The following DPYD variants were observed in gnomAD, a reference collection of about 807,000 sequenced individuals.
The protein encoded by DPYD is dihydropyrimidine dehydrogenase.
DPYD carries 109 observed loss-of-function variants against 116.2 expected under a neutral mutation model. The observed-to-expected ratio is 0.94, with a 90% CI of 0.80 to 1.10. The LOEUF is 1.10. Among genes scored for constraint, DPYD ranks in the 50% least tolerant of loss-of-function variants. DPYD has a pLI of 0.00. For synonymous variants in DPYD, 440 were observed against 432.0 expected, an observed-to-expected ratio of 1.02 and a Z score of -0.23; for missense variants, 1,302 against 1,254.5, an observed-to-expected ratio of 1.04 and a Z score of -0.57.
At chr1:97,281,098 A>G (rs1344643167) in intron 18 of DPYD, among the ~76,000 whole-genome samples, 1 of 152,066 alleles carries the variant, frequency 6.6e-6, no homozygotes, top group African/African-American at 2.4e-5. Flanking sequence ...TGATCAATAA[A>G]AAATAAGTTA....
intron 20 of DPYD, among the ~76,000 whole-genome samples, chr1:97,189,610 A>G (rs114112333): frequency 0.012 from 1,819 of 152,298 alleles, 36 homozygotes; most frequent in African/African-American, 0.041. Context: ...TTCTGAAATC[A>G]CTAAAATATA....
intron 13 of DPYD, among the ~76,000 whole-genome samples, chr1:97,473,895 C>A (rs1412848001): frequency 6.6e-6 from 1 of 151,446 alleles, no homozygotes; most frequent in Non-Finnish European, 1.5e-5. Context: ...GCCTGTAGTC[C>A]CAGCTACTTG....
intron 10 of DPYD, among the ~76,000 whole-genome samples, chr1:97,582,571 T>C (rs535687666): frequency 6.6e-6 from 1 of 152,292 alleles, no homozygotes; most frequent in Admixed American, 6.5e-5. Context: ...TGCAGAACAA[T>C]TTTTATATGT....
intron 10 of DPYD, among the ~76,000 whole-genome samples, chr1:97,575,952 C>T (rs1325119404): frequency 2.6e-5 from 4 of 151,906 alleles, no homozygotes; most frequent in African/African-American, 4.8e-5. Context: ...TTCAATATCA[C>T]TTAGAAATAA....
At chr1:97,464,836 C>T in intron 13 of DPYD, among the ~76,000 whole-genome samples, 1 of 152,090 alleles carries the variant, frequency 6.6e-6, no homozygotes, top group East Asian at 1.9e-4. Flanking sequence ...ACATCAGTGC[C>T]CTAGAGTCCC....
chr1:97,320,184 GC>G (rs1668155765), intron 16 of DPYD, among the ~76,000 whole-genome samples: 1 of 131,992 alleles, frequency 7.6e-6, no homozygotes, highest in African/African-American at 2.8e-5. Context: ...AGACAGGGAT[GC>G]CCTCTCTCAC....
At chr1:97,813,873 G>A (rs906925973) in intron 3 of DPYD, among the ~76,000 whole-genome samples, 3 of 150,354 alleles carry the variant, frequency 2.0e-5, no homozygotes, top group Non-Finnish European at 4.4e-5. Context: ...AAAGTGTACT[G>A]ACAAAGTACT....
intron 8 of DPYD, among the ~76,000 whole-genome samples, chr1:97,662,939 G>A (rs1249571968): frequency 6.6e-6 from 1 of 152,132 alleles, no homozygotes; most frequent in Non-Finnish European, 1.5e-5. Context: ...GCATAGGGTG[G>A]TTATGAAAAC....
At chr1:97,447,563 T>C (rs534443839) in intron 14 of DPYD, among the ~76,000 whole-genome samples, 2 of 152,308 alleles carry the variant, frequency 1.3e-5, no homozygotes, top group African/African-American at 2.4e-5. Context: ...ATAATCTAAA[T>C]AGGGAAAGAA....
intron 18 of DPYD, among the ~76,000 whole-genome samples, chr1:97,262,639 T>A (rs1187060998): frequency 6.6e-6 from 1 of 152,062 alleles, no homozygotes; most frequent in Non-Finnish European, 1.5e-5. Context: ...CTCTACAGAA[T>A]TAGCAGTTTG....
At chr1:97,513,505 T>C (rs1052060855) in intron 13 of DPYD, among the ~76,000 whole-genome samples, 22 of 151,786 alleles carry the variant, frequency 1.4e-4, no homozygotes, top group African/African-American at 5.1e-4. Flanking sequence ...CAAAACCCCA[T>C]AGAATAACCT....
Position 97,242,124 on chromosome 1 carries a change from GTATATATATATATATATA to G in DPYD, c.2300-7148_2300-7131del, listed in dbSNP as rs71590220. 3.6e-3 allele frequency among the ~76,000 whole-genome samples: 128 copies of G among 35,864 alleles called. 4 individuals are homozygous for G. The highest frequency in any genetic ancestry group is 3.1e-3 in the African/African-American group (24 of 7,818). 23.5% of individuals were successfully genotyped at this position (35,864 alleles called of 152,430 possible). A position where few individuals can be genotyped will look rare whatever the true frequency, so the allele number is the denominator to read the frequency against. On this transcript the variant is annotated intron_variant, in intron 18 of 22. Coordinates refer to ENST00000370192, the MANE Select transcript of DPYD (RefSeq NM_000110.4). ...TAATTTGCAACGTGTGTGTGCGTGT[GTATATATATATATATATA>G]TATATATATATATATATATATATAT...
chr1:97,322,097 G>A (rs1257370533), intron 16 of DPYD, among the ~76,000 whole-genome samples: 11 of 105,042 alleles, frequency 1.0e-4, no homozygotes, highest in African/African-American at 2.9e-4. Context: ...GGTGGGGGGA[G>A]GGGGGAGGGA....
chr1:97,141,581 T>G (rs140721047), intron 20 of DPYD, among the ~76,000 whole-genome samples: 1 of 152,182 alleles, frequency 6.6e-6, no homozygotes, highest in Admixed American at 6.6e-5. Flanking sequence ...TCCATACTTT[T>G]GAGCTCCCTT....
At chr1:97,378,228 C>G (rs1163396841) in intron 15 of DPYD, among the ~76,000 whole-genome samples, 1 of 152,186 alleles carries the variant, frequency 6.6e-6, no homozygotes, top group African/African-American at 2.4e-5. Context: ...TGTCTATCTC[C>G]TGTGATTCCA....
chr1:97,550,718 GA>G (rs1387216652), intron 11 of DPYD, among the ~76,000 whole-genome samples: 13 of 152,062 alleles, frequency 8.5e-5, no homozygotes, highest in Admixed American at 6.6e-4. Flanking sequence ...ACTCCAAAGA[GA>G]AAATATTAGT....
At chr1:97,352,537 G>C (rs1264952571) in intron 16 of DPYD, among the ~76,000 whole-genome samples, 1 of 148,330 alleles carries the variant, frequency 6.7e-6, no homozygotes, top group Non-Finnish European at 1.5e-5. Flanking sequence ...GGAGAAAAGA[G>C]GAAAATATTG....
intron 20 of DPYD, among the ~76,000 whole-genome samples, chr1:97,123,803 A>G (rs886097156): frequency 2.0e-5 from 3 of 152,124 alleles, no homozygotes; most frequent in Non-Finnish European, 2.9e-5. Context: ...TCATTACAAC[A>G]TCTGAAATAT....
At chr1:97,296,332 T>C (rs949861575) in intron 18 of DPYD, among the ~76,000 whole-genome samples, 1 of 152,120 alleles carries the variant, frequency 6.6e-6, no homozygotes, top group African/African-American at 2.4e-5. Context: ...AGGCTTACAA[T>C]GGAGAAGGTG....
Sources: allele counts gnomAD v4.1 joint callset (sites outside exome capture counted in the v4.1 genomes callset), GRCh38; gene constraint gnomAD v4.1.1; transcripts MANE v1.5; gene names NCBI Gene and HGNC (gene_info 2026-07-23, HGNC 2026-07-21).